Variants in APP observed in about 807,000 individuals in gnomAD.
APP encodes the protein amyloid-beta precursor protein.
APP carries 31 observed loss-of-function variants against 101.4 expected under a neutral mutation model. The observed-to-expected ratio is 0.31, with a 90% CI of 0.23 to 0.41. The LOEUF (loss-of-function observed/expected upper bound fraction) is 0.41, where lower values mean the gene tolerates loss of function less well. APP is among the 10% of genes least tolerant of loss of function. The probability of loss-of-function intolerance (pLI) is 1.00; values close to 1 mark genes in which losing one functional copy is unlikely to be tolerated. For synonymous variants in APP, 366 were observed against 364.4 expected, an observed-to-expected ratio of 1.00 and a Z score of -0.05; for missense variants, 839 against 1,003.7, an observed-to-expected ratio of 0.84 and a Z score of 2.22.
chr21:26,051,414 AC>A (rs1270536215), intron 4 of APP, among the ~76,000 whole-genome samples: 6 of 152,202 alleles, frequency 3.9e-5, no homozygotes, highest in African/African-American at 1.4e-4. Context: ...ATTTAATAAG[AC>A]CACGATGTTA....
chr21:26,110,354 G>A (rs924713212), intron 2 of APP, among the ~76,000 whole-genome samples: 8 of 152,110 alleles, frequency 5.3e-5, no homozygotes, highest in African/African-American at 1.9e-4. Flanking sequence ...GCTGAGGCAG[G>A]AGAATCATTT....
intron 8 of APP, among the ~76,000 whole-genome samples, chr21:25,985,798 T>A (rs4817078): frequency 0.25 from 37,698 of 151,890 alleles, 5,147 homozygotes; most frequent in East Asian, 0.4. Flanking sequence ...TGTCTCTTTT[T>A]ATCTTTAACT....
intron 1 of APP, among the ~76,000 whole-genome samples, chr21:26,164,888 A>G (rs1348781447): frequency 6.7e-6 from 1 of 150,328 alleles, no homozygotes; most frequent in Non-Finnish European, 1.5e-5. Context: ...CATCCATGTT[A>G]TGTGGAAAAA....
At chr21:26,058,901 G>A in intron 3 of APP, among the ~76,000 whole-genome samples, 1 of 152,074 alleles carries the variant, frequency 6.6e-6, no homozygotes, top group East Asian at 1.9e-4. Flanking sequence ...CTAACACGGT[G>A]AAACCCCGTC....
At chr21:25,967,607 T>C (rs1431872265) in intron 11 of APP, among the ~76,000 whole-genome samples, 1 of 152,204 alleles carries the variant, frequency 6.6e-6, no homozygotes, top group Non-Finnish European at 1.5e-5. Context: ...AAAATCCCTA[T>C]CTGGCCTTTG....
intron 1 of APP, among the ~76,000 whole-genome samples, chr21:26,152,264 G>A (rs1304405021): frequency 7.5e-5 from 8 of 106,996 alleles, no homozygotes; most frequent in Non-Finnish European, 1.0e-4. Flanking sequence ...CAGTCTGGGC[G>A]ACAGAGCAAG....
chr21:25,903,389 A>G (rs1356821698), intron 15 of APP, among the ~76,000 whole-genome samples: 1 of 143,468 alleles, frequency 7.0e-6, no homozygotes, highest in Non-Finnish European at 1.5e-5. Context: ...AAAAAAAATC[A>G]AAAAACAATT....
chr21:26,082,969 A>T (rs2061626201), intron 3 of APP, among the ~76,000 whole-genome samples: 1 of 152,240 alleles, frequency 6.6e-6, no homozygotes, highest in South Asian at 2.1e-4. Flanking sequence ...GTTTAAATAG[A>T]TTTAAATAGT....
chr21:26,015,366 C>A (rs961460024), intron 6 of APP, among the ~76,000 whole-genome samples: 1 of 152,106 alleles, frequency 6.6e-6, no homozygotes, highest in Non-Finnish European at 1.5e-5. Context: ...TTAATCCTCA[C>A]AAAATAGTTA....
At chr21:26,080,286 C>T (rs1444021639) in intron 3 of APP, among the ~76,000 whole-genome samples, 1 of 152,150 alleles carries the variant, frequency 6.6e-6, no homozygotes, top group African/African-American at 2.4e-5. Flanking sequence ...GAGAAAGCTA[C>T]AACACACATA....
At chr21:25,912,989 CAA>C (rs545253838) in intron 13 of APP, among the ~76,000 whole-genome samples, 58 of 152,184 alleles carry the variant, frequency 3.8e-4, no homozygotes, top group South Asian at 2.3e-3. Flanking sequence ...TTTGATTAAC[CAA>C]AATGTCTCAT....
At chr21:26,161,880 G>A (rs936055970) in intron 1 of APP, among the ~76,000 whole-genome samples, 37 of 151,942 alleles carry the variant, frequency 2.4e-4, no homozygotes, top group African/African-American at 7.7e-4. Context: ...ACTTTGCATC[G>A]GTTTTAAAGG....
intron 1 of APP, among the ~76,000 whole-genome samples, chr21:26,132,756 T>C (rs1264794260): frequency 6.6e-6 from 1 of 152,250 alleles, no homozygotes; most frequent in African/African-American, 2.4e-5. Flanking sequence ...TGTTACAGAC[T>C]ATAGTATTTT....
chr21:25,970,485 A>G (rs1336830883), intron 11 of APP, among the ~76,000 whole-genome samples: 1 of 152,284 alleles, frequency 6.6e-6, no homozygotes, highest in East Asian at 1.9e-4. Context: ...TTCTCTGGCA[A>G]ATGATCACAC....
intron 13 of APP, among the ~76,000 whole-genome samples, chr21:25,927,656 C>A (rs921015191): frequency 2.3e-5 from 3 of 128,960 alleles, no homozygotes; most frequent in Non-Finnish European, 4.8e-5. Flanking sequence ...TTAAATGAAG[C>A]ATGCTTTGTC....
At position 26,092,908 on chromosome 21, in the gene APP, G is replaced by A. The variant is rs73896821; in HGVS notation, c.226-2836C>T. Reference sequence around the variant, plus strand: ...GGTATCAATCAGTGTAGCAGCAGGGGATAAACTCAGTGGTAGAGGTATATG... The same window carrying A: ...GGTATCAATCAGTGTAGCAGCAGGGAATAAACTCAGTGGTAGAGGTATATG... On this transcript the variant is annotated intron_variant, in intron 2 of 17. Transcript: ENST00000346798. 3.4e-3 allele frequency among the ~76,000 whole-genome samples: 511 copies of A among 152,022 alleles called. 2 individuals carry two copies. Among genetic ancestry groups the A allele is most frequent in the African/African-American group, 0.012 (491 of 41,322 alleles).
intron 3 of APP, among the ~76,000 whole-genome samples, chr21:26,058,864 A>T (rs45470702): frequency 6.6e-6 from 1 of 152,044 alleles, no homozygotes; most frequent in East Asian, 1.9e-4. Context: ...GGCGGATCAC[A>T]AGGTCAGGAG....
At chr21:26,079,475 A>C (rs932146048) in intron 3 of APP, among the ~76,000 whole-genome samples, 1 of 152,228 alleles carries the variant, frequency 6.6e-6, no homozygotes, top group Non-Finnish European at 1.5e-5. Flanking sequence ...TTGGCCCAGA[A>C]AAGTTCACAT....
At position 26,003,512 on chromosome 21, in the gene APP, C is replaced by A. The variant is rs116358112; in HGVS notation, c.866-3330G>T. 2.5e-3 allele frequency among the ~76,000 whole-genome samples: 386 copies of A among 152,302 alleles called. 2 individuals carry two copies. The highest frequency in any genetic ancestry group is 9.0e-3 in the African/African-American group (376 of 41,554). ...TCCCACAATACTCAAATACAAAAGGCTACCTGAGATAATGCGGTCAGGAAT... is the reference window on the plus strand; with the variant it reads ...TCCCACAATACTCAAATACAAAAGGATACCTGAGATAATGCGGTCAGGAAT... On this transcript the variant is annotated intron_variant, in intron 6 of 17. Transcript: ENST00000346798.
Sources: allele counts gnomAD v4.1 joint callset (sites outside exome capture counted in the v4.1 genomes callset), GRCh38; gene constraint gnomAD v4.1.1; transcripts MANE v1.5; gene names NCBI Gene and HGNC (gene_info 2026-07-23, HGNC 2026-07-21).